The following KDM4C variants were observed in gnomAD, a reference collection of about 807,000 sequenced individuals.
KDM4C encodes lysine-specific demethylase 4C.
In KDM4C, 81 loss-of-function variants were observed where a neutral mutation model predicts 129.3. The ratio of observed to expected loss-of-function variants is 0.63; its 90% CI spans 0.52 to 0.75. KDM4C has a LOEUF of 0.75. Ranked by LOEUF, KDM4C falls within the 30% of genes least tolerant of loss-of-function variation. The probability of loss-of-function intolerance (pLI) is 0.00; values close to 1 mark genes in which losing one functional copy is unlikely to be tolerated. For synonymous variants in KDM4C, 573 were observed against 456.1 expected (o/e 1.26, Z -3.26); for missense variants, 1,457 against 1,304.0 (o/e 1.12, Z -1.81).
intron 8 of KDM4C, among the ~76,000 whole-genome samples, chr9:6,973,042 G>A (rs897286632): frequency 3.3e-5 from 5 of 152,196 alleles, no homozygotes; most frequent in African/African-American, 1.2e-4. Context: ...GGAAGGCAGG[G>A]ATTGCTAGGT....
At position 6,868,361 on chromosome 9, in the gene KDM4C, C is replaced by T. The variant is rs140413658; in HGVS notation, c.630-11651C>T. Among the ~76,000 whole-genome samples the T allele has an allele frequency of 3.9e-5, 6 of 152,056 alleles. 1 individual carries two copies. Among genetic ancestry groups the T allele is most frequent in the Non-Finnish European group, 7.4e-5 (5 of 68,014 alleles). On this transcript the variant is annotated intron_variant, in intron 5 of 21. Transcript: ENST00000381309. ...TTTCCGTAGGTAACATAGCATTCAT[C>T]CCAGGAAACCCTGGGAACTTTGAGG...
intron 5 of KDM4C, among the ~76,000 whole-genome samples, chr9:6,856,539 C>CGTGCGTGTGTGTGTGT (rs375228454): frequency 7.6e-6 from 1 of 131,546 alleles, no homozygotes; most frequent in African/African-American, 2.9e-5. Context: ...TCTCTGTGTG[C>CGTGCGTGTGTGTGTGT]GTGTGTGTGT....
upstream of KDM4C, among the ~76,000 whole-genome samples, chr9:6,757,202 C>T (rs1469790144): frequency 6.6e-6 from 1 of 152,148 alleles, no homozygotes; most frequent in Non-Finnish European, 1.5e-5. Flanking sequence ...TAGTCTCAGA[C>T]GCTGGAGGCA....
intron 21 of KDM4C, among the ~76,000 whole-genome samples, chr9:7,172,951 A>G (rs1845108956): frequency 6.6e-6 from 1 of 152,250 alleles, no homozygotes; most frequent in African/African-American, 2.4e-5. Context: ...ATTGGGAAGC[A>G]AAAATAGTGC....
intron 1 of KDM4C, among the ~76,000 whole-genome samples, chr9:6,726,008 C>T (rs1015205393): frequency 6.6e-6 from 1 of 151,718 alleles, no homozygotes; most frequent in Non-Finnish European, 1.5e-5. Context: ...CTCACTGCAA[C>T]CTCCACCTCC....
At chr9:6,879,958 C>G (rs1844184135) in intron 5 of KDM4C, 54 bp from the exon 6 acceptor site, 12 of 850,678 alleles carry the variant, frequency 1.4e-5, no homozygotes, top group Non-Finnish European at 2.3e-5. Flanking sequence ...TGTCCTTAGG[C>G]TACTAGCTGA....
intron 1 of KDM4C, among the ~76,000 whole-genome samples, chr9:6,780,608 A>C (rs1824122395): frequency 6.6e-6 from 1 of 151,748 alleles, no homozygotes; most frequent in African/African-American, 2.4e-5. Context: ...CTCTACAAAA[A>C]ATACGAAAAT....
intron 5 of KDM4C, among the ~76,000 whole-genome samples, chr9:6,857,304 A>G (rs942212497): frequency 3.3e-5 from 5 of 152,258 alleles, no homozygotes. Context: ...ACCCCAAAAC[A>G]GAAAAGATAA....
Position 7,142,118 on chromosome 9 carries a change from T to A in KDM4C, c.2781+13882T>A, listed in dbSNP as rs1247129890. On this transcript the variant is annotated intron_variant, in intron 19 of 21. Transcript: ENST00000381309. The stretch of plus-strand genomic sequence containing the variant: ...CTGTTTTAAAAATAAATAAATAAAT[T>A]GAGCATATGATTACACATATGTAGA... 2.0e-5 allele frequency among the ~76,000 whole-genome samples: 3 copies of A among 152,222 alleles called. No individual in the cohort carries two copies. The East Asian group carries it at 5.8e-4, about 29-fold the overall frequency.
intron 1 of KDM4C, among the ~76,000 whole-genome samples, chr9:6,783,534 C>G (rs566537303): frequency 6.6e-6 from 1 of 152,194 alleles, no homozygotes; most frequent in East Asian, 1.9e-4. Context: ...TGAAATCTCC[C>G]ATAGTGTCTG....
chr9:6,787,321 C>A (rs992830854), intron 1 of KDM4C, among the ~76,000 whole-genome samples: 7 of 152,210 alleles, frequency 4.6e-5, no homozygotes, highest in Admixed American at 3.3e-4. Flanking sequence ...CAACCTCCGC[C>A]CCCGGGGTTC....
chr9:6,784,805 C>G (rs753715972), intron 1 of KDM4C, among the ~76,000 whole-genome samples: 9 of 152,192 alleles, frequency 5.9e-5, no homozygotes, highest in Admixed American at 2.0e-4. Flanking sequence ...GCTTTCTAAG[C>G]TGGGGCCCAG....
intron 8 of KDM4C, among the ~76,000 whole-genome samples, chr9:6,963,621 C>T (rs957179472): frequency 3.9e-5 from 6 of 152,174 alleles, no homozygotes; most frequent in African/African-American, 1.4e-4. Flanking sequence ...AGAGGGGTAA[C>T]AGTGGAGAGA....
chr9:6,828,450 T>C (rs1221253595), intron 4 of KDM4C, among the ~76,000 whole-genome samples: 1 of 151,878 alleles, frequency 6.6e-6, no homozygotes, highest in Non-Finnish European at 1.5e-5. Flanking sequence ...CCCGGCCATC[T>C]CTGGAATAAG....
rs535479430 is a variant in KDM4C at position 6,815,362 on chromosome 9, T to G, written c.435+617T>G. 8.5e-5 allele frequency among the ~76,000 whole-genome samples: 13 copies of G among 152,294 alleles called. No homozygotes were observed. In the East Asian group the frequency reaches 2.5e-3, roughly 29 times the overall value. The stretch of plus-strand genomic sequence containing the variant: ...CTATGCCCTCTCTCATTATTTTCTT[T>G]TTTAATTTATTATTTCTTGAAATAT... On this transcript the variant is annotated intron_variant, in intron 4 of 21. Coordinates refer to ENST00000381309, the MANE Select transcript of KDM4C (RefSeq NM_015061.6).
chr9:7,015,100 T>C (rs1325489954), intron 14 of KDM4C, among the ~76,000 whole-genome samples: 2 of 152,190 alleles, frequency 1.3e-5, no homozygotes, highest in African/African-American at 4.8e-5. Context: ...TGGACATGGT[T>C]AACTGTGATA....
chr9:6,929,783 G>C (rs1054550274), intron 8 of KDM4C, among the ~76,000 whole-genome samples: 1 of 152,118 alleles, frequency 6.6e-6, no homozygotes, highest in African/African-American at 2.4e-5. Flanking sequence ...TGCCAAAATA[G>C]AATATTAAAA....
In KDM4C at chr9:7,022,840, T is replaced by C. The variant is rs58746370; in HGVS notation, c.2259+6911T>C. ...GTATGTACCTTCTGTACCCAGTTTT[T>C]TGAGGGTTTTCATGAAGGGATGTTG... On this transcript the variant is annotated intron_variant, in intron 15 of 21. Transcript: ENST00000381309. Among the ~76,000 whole-genome samples the C allele has an allele frequency of 4.9e-3, 748 of 152,206 alleles. 5 individuals carry two copies. Among genetic ancestry groups the C allele is most frequent in the African/African-American group, 0.017 (713 of 41,558 alleles).
intron 1 of KDM4C, among the ~76,000 whole-genome samples, chr9:6,761,934 G>C (rs1819621505): frequency 6.6e-6 from 1 of 152,020 alleles, no homozygotes; most frequent in South Asian, 2.1e-4. Flanking sequence ...AGCCTCCCGA[G>C]TAGCTGGGAT....
Sources: allele counts gnomAD v4.1 joint callset (sites outside exome capture counted in the v4.1 genomes callset), GRCh38; gene constraint gnomAD v4.1.1; transcripts MANE v1.5; gene names NCBI Gene and HGNC (gene_info 2026-07-23, HGNC 2026-07-21).